SF3B3: variants seen among roughly 807,000 people sequenced by gnomAD.
SF3B3 encodes the protein SAP 130.
SF3B3 carries 33 observed loss-of-function variants against 139.2 expected under a neutral mutation model. That is an observed-to-expected ratio of 0.24 (90% CI 0.18 to 0.32). SF3B3 has a LOEUF of 0.32. SF3B3 is among the 10% of genes least tolerant of loss of function. The pLI is 1.00. For missense variants in SF3B3, 818 were observed against 1,509.4 expected, an observed-to-expected ratio of 0.54 and a Z score of 7.59; for synonymous variants, 596 against 563.6, an observed-to-expected ratio of 1.06 and a Z score of -0.81.
intron 10 of SF3B3, 56 bp from the exon 11 acceptor site, chr16:70,548,314 G>A (rs894276574): frequency 3.6e-6 from 5 of 1,372,704 alleles, no homozygotes; most frequent in African/African-American, 1.4e-5. Context: ...GTGATTGTAA[G>A]CAGGTAGCTG....
At chr16:70,554,694 C>G (rs2151788789) in intron 12 of SF3B3, 97 bp downstream of exon 12, 1 of 1,266,112 alleles carries the variant, frequency 7.9e-7, no homozygotes, top group Admixed American at 2.1e-5. Context: ...TCACCCTCAC[C>G]TTCCAGCAAG....
intron 12 of SF3B3, 67 bp downstream of exon 12, chr16:70,554,664 G>C: frequency 6.5e-7 from 1 of 1,532,360 alleles, no homozygotes; most frequent in Non-Finnish European, 9.0e-7. Context: ...TGTGATGCAG[G>C]CTGCTGTGTT....
chr16:70,554,294 G>A (rs2050359104), intron 11 of SF3B3, 152 bp from the exon 12 acceptor site: 2 of 635,034 alleles, frequency 3.1e-6, no homozygotes, highest in Non-Finnish European at 5.5e-6. Flanking sequence ...GGATCATTTT[G>A]CTCTGTGTGC....
chr16:70,546,250 C>T (rs987210002), intron 10 of SF3B3, among the ~76,000 whole-genome samples: 5 of 152,200 alleles, frequency 3.3e-5, no homozygotes, highest in African/African-American at 7.2e-5. Flanking sequence ...TGATTACAAG[C>T]GTGAGCCACC....
At chr16:70,530,029 G>GA (rs2151775041) in intron 3 of SF3B3, among the ~76,000 whole-genome samples, 1 of 758 alleles carries the variant, frequency 1.3e-3, no homozygotes, top group African/African-American at 0.036. Flanking sequence ...AGCTACTTGG[G>GA]GCAGGAGAAT....
intron 13 of SF3B3, among the ~76,000 whole-genome samples, chr16:70,555,457 G>A (rs1319750231): frequency 2.3e-5 from 3 of 130,310 alleles, no homozygotes; most frequent in African/African-American, 8.8e-5. Context: ...CCAGCCTGGC[G>A]ACAGAGCAAG....
intron 2 of SF3B3, among the ~76,000 whole-genome samples, chr16:70,527,355 ACTTTTT>A (rs2050073889): frequency 6.6e-6 from 1 of 152,186 alleles, no homozygotes; most frequent in Non-Finnish European, 1.5e-5. Flanking sequence ...TAAAATAAAA[ACTTTTT>A]CTTGCCATTT....
Position 70,538,367 on chromosome 16 carries a change from T to C in SF3B3, c.870T>C (p.Ser290=), listed in dbSNP as rs2050187924. The C allele has an allele frequency of 6.2e-7, 1 of 1,613,958 alleles. No homozygotes were observed. The highest frequency in any genetic ancestry group is 8.5e-7 in the Non-Finnish European group (1 of 1,179,890). The part of the protein sequence containing the change: ...DPERGMIFVC[S]ATHKTKSMFF... ...AAAGAGGAATGATTTTTGTCTGCTC[T>C]GCAACCCATAAAACCAAATCGATGT... Residue 290 remains serine, a synonymous_variant, in exon 7 of 26, where the codon TCT becomes TCC. Coordinates refer to ENST00000302516, the MANE Select transcript of SF3B3 (RefSeq NM_012426.5).
In SF3B3 at chr16:70,528,017, C is replaced by T. The variant is rs57960612; in HGVS notation, c.71-856C>T. On this transcript the variant is annotated intron_variant, in intron 2 of 25. Coordinates refer to ENST00000302516, the MANE Select transcript of SF3B3 (RefSeq NM_012426.5). ...ATCTCGAATTCCTGACCTCGTGATCCACCCACCTTAGCCTCCCAAAGTGCT... is the reference window on the plus strand; with the variant it reads ...ATCTCGAATTCCTGACCTCGTGATCTACCCACCTTAGCCTCCCAAAGTGCT... Among the ~76,000 whole-genome samples, 29 of 152,158 alleles carry T rather than the reference C, an allele frequency of 1.9e-4. No individual in the cohort carries two copies. In the East Asian group the frequency reaches 5.2e-3, roughly 27 times the overall value.
intron 18 of SF3B3, among the ~76,000 whole-genome samples, chr16:70,564,831 G>T (rs1039476759): frequency 6.6e-6 from 1 of 152,104 alleles, no homozygotes; most frequent in African/African-American, 2.4e-5. Flanking sequence ...TATTTTTGGT[G>T]TTTTCTACTA....
In SF3B3 at chr16:70,538,562, T is replaced by A. The variant is rs887814875; in HGVS notation, c.963+102T>A. ...AAAAAAATGAGAACTTAGAAAGTAG[T>A]TGCCCTTGGAACCGGTATATGAGTA... On this transcript the variant is annotated intron_variant, in intron 7 of 25. Coordinates refer to ENST00000302516, the MANE Select transcript of SF3B3 (RefSeq NM_012426.5). The A allele has an allele frequency of 1.5e-5, 16 of 1,065,308 alleles. No homozygotes were observed. The African/African-American group carries it at 2.5e-4, about 17-fold the overall frequency. 66.0% of individuals were successfully genotyped at this position (1,065,308 alleles called of 1,614,324 possible). A position where few individuals can be genotyped will look rare whatever the true frequency, so the allele number is the denominator to read the frequency against.
chr16:70,548,856 T>G (rs79447419), intron 11 of SF3B3, among the ~76,000 whole-genome samples: 4,855 of 152,274 alleles, frequency 0.032, 289 homozygotes, highest in African/African-American at 0.11. Flanking sequence ...TTCTAGGAAT[T>G]AAGAGATTTG....
intron 9 of SF3B3, 35 bp downstream of exon 9, chr16:70,541,869 T>C (rs2050221591): frequency 6.4e-7 from 1 of 1,571,436 alleles, no homozygotes; most frequent in African/African-American, 1.4e-5. Flanking sequence ...CCACAATAGA[T>C]CTAAAGTTAA....
Position 70,576,212 on chromosome 16 carries a change from T to C in SF3B3, c.*4399T>C, listed in dbSNP as rs557097086. On this transcript the variant is annotated 3_prime_UTR_variant, in exon 26 of 26. Transcript: ENST00000302516. ...TTGTTCAAAATGAAGAAAAAAAATA[T>C]CAAAGAAAACCAGGTTTGGAAGTTT... 24 of 152,050 alleles carry C rather than the reference T, an allele frequency of 1.6e-4. No homozygotes were observed. The highest frequency in any genetic ancestry group is 1.4e-3 in the East Asian group (7 of 5,172). The allele number at this position is 152,050 out of a possible 1,614,324, so 9.4% of individuals were successfully genotyped here.
At chr16:70,559,928 G>T (rs1317391942) in intron 15 of SF3B3, among the ~76,000 whole-genome samples, 1 of 148,430 alleles carries the variant, frequency 6.7e-6, no homozygotes, top group Non-Finnish European at 1.5e-5. Context: ...GTGCGGGGGG[G>T]TGGTAAATTG....
intron 18 of SF3B3, among the ~76,000 whole-genome samples, chr16:70,564,583 A>G (rs2050458315): frequency 1.3e-5 from 2 of 152,078 alleles, no homozygotes; most frequent in South Asian, 2.1e-4. Flanking sequence ...AATAGACTGT[A>G]TTTCCTTTAT....
chr16:70,570,350 T>TTTG (rs1555501227), intron 24 of SF3B3, among the ~76,000 whole-genome samples: 28 of 150,376 alleles, frequency 1.9e-4, no homozygotes, highest in Non-Finnish European at 3.3e-4. Flanking sequence ...TTTTTTTTTT[T>TTTG]GCGACGGAGT....
chr16:70,564,422 GGCTTTTTTCA>G (rs1351187484), intron 18 of SF3B3, among the ~76,000 whole-genome samples: 3 of 152,144 alleles, frequency 2.0e-5, no homozygotes, highest in Admixed American at 2.0e-4. Context: ...TAAAGATCTA[GGCTTTTTTCA>G]GCTTTTTTAA....
intron 15 of SF3B3, among the ~76,000 whole-genome samples, chr16:70,559,056 A>T (rs6499320): frequency 0.48 from 72,982 of 152,030 alleles, 18,016 homozygotes; most frequent in South Asian, 0.66. Flanking sequence ...CGTCAGGAGG[A>T]GTGTAGTGTC....
Sources: gnomAD v4.1 joint callset for allele counts (sites outside exome capture counted in the v4.1 genomes callset) on GRCh38, gnomAD v4.1.1 for gene constraint, MANE v1.5 for transcripts, NCBI Gene and HGNC (gene_info 2026-07-23, HGNC 2026-07-21) for gene names.